The following FBN3 variants were observed in gnomAD, a reference collection of about 807,000 sequenced individuals.
FBN3 encodes the protein fibrillin-3.
Under a neutral mutation model 330.1 loss-of-function variants are expected in FBN3, and 234 were observed. That is an observed-to-expected ratio of 0.71 (90% CI 0.64 to 0.79). FBN3 has a LOEUF of 0.79. Ranked by LOEUF, FBN3 falls within the 30% of genes least tolerant of loss-of-function variation. The pLI is 0.00. For synonymous variants in FBN3, 1,458 were observed against 1,517.3 expected (o/e 0.96, Z 0.91); for missense variants, 3,606 against 3,886.9 (o/e 0.93, Z 1.92).
chr19:8,108,887 G>GAGAACA (rs2082510366), intron 36 of FBN3, among the ~76,000 whole-genome samples: 1 of 152,128 alleles, frequency 6.6e-6, no homozygotes, highest in Non-Finnish European at 1.5e-5. Flanking sequence ...TTGATTTAAG[G>GAGAACA]GTGAGGGAGA....
chr19:8,086,379 C>T, intron 54 of FBN3, 54 bp from the exon 55 acceptor site: 1 of 1,485,244 alleles, frequency 6.7e-7, no homozygotes. Flanking sequence ...CAGCCAGCCT[C>T]TCCCACAGCC....
At chr19:8,083,703 C>T (rs991830657) in intron 56 of FBN3, among the ~76,000 whole-genome samples, 1 of 152,078 alleles carries the variant, frequency 6.6e-6, no homozygotes, top group East Asian at 1.9e-4. Context: ...CCTAGATGCT[C>T]CTGCAGAAAC....
intron 46 of FBN3, 65 bp from the exon 47 acceptor site, chr19:8,094,630 G>T (rs2082172541): frequency 1.3e-6 from 2 of 1,549,732 alleles, no homozygotes; most frequent in Non-Finnish European, 1.8e-6. Context: ...TTGGGACTGG[G>T]ACCAACACCT....
intron 63 of FBN3, 44 bp from the exon 64 acceptor site, chr19:8,066,304 G>T: frequency 7.1e-7 from 1 of 1,407,636 alleles, no homozygotes; most frequent in East Asian, 2.5e-5. Flanking sequence ...CAGGAGAATC[G>T]GGATGTGGTG....
Position 8,087,200 on chromosome 19 carries a change from A to C in FBN3, c.6631T>G (p.Cys2211Gly). 6.3e-7 allele frequency: 1 copy of C among 1,595,116 alleles called. No individual in the cohort carries two copies. Among genetic ancestry groups the C allele is most frequent in the Non-Finnish European group, 8.5e-7 (1 of 1,172,496 alleles). ...DGAMCRDVDE[C>G]ADGQQDCHAR... ...TGGCAGTCCTGCTGACCATCTGCAC[A>C]CTCGTCCACATCTTCGGATGACCAG... The change falls in exon 54 of 64, where the codon TGT becomes GGT. Residue 2211 changes from cysteine (C) to glycine (G), a missense_variant. By Grantham distance (159) the Cys-to-Gly change is radical. Coordinates refer to ENST00000600128, the MANE Select transcript of FBN3 (RefSeq NM_032447.5).
In FBN3 at chr19:8,091,454, T is replaced by G. The variant is rs745387016; in HGVS notation, c.6031+11A>C. Reference sequence around the variant, plus strand: ...TTCCCACCCTCTTCCCTAAGCCCTGTGTGGACTTACCAAAGCAACGGTGCC... The same window carrying G: ...TTCCCACCCTCTTCCCTAAGCCCTGGGTGGACTTACCAAAGCAACGGTGCC... On this transcript the variant is annotated intron_variant, in intron 48 of 63. Coordinates refer to ENST00000600128, the MANE Select transcript of FBN3 (RefSeq NM_032447.5). 21 of 1,612,126 alleles carry G rather than the reference T, an allele frequency of 1.3e-5. No homozygotes were observed. The highest frequency in any genetic ancestry group is 1.7e-5 in the Admixed American group (1 of 59,948).
At chr19:8,139,612 A>G (rs1278442175) in intron 8 of FBN3, among the ~76,000 whole-genome samples, 1 of 151,778 alleles carries the variant, frequency 6.6e-6, no homozygotes, top group East Asian at 1.9e-4. Context: ...TGTGAATTTC[A>G]GAGAGGGGCC....
Position 8,110,862 on chromosome 19 carries a change from C to G in FBN3, c.4316G>C (p.Gly1439Ala), listed in dbSNP as rs969839328. 1.9e-6 allele frequency: 3 copies of G among 1,614,134 alleles called. No individual in the cohort carries two copies. The African/African-American group carries it at 4.0e-5, about 22-fold the overall frequency. The change falls in exon 34 of 64, where the codon GGG becomes GCG. Residue 1439 changes from glycine to alanine, a missense_variant. By Grantham distance (60) the Gly-to-Ala change is moderately conservative. Coordinates refer to ENST00000600128, the MANE Select transcript of FBN3 (RefSeq NM_032447.5). The part of the protein sequence containing the change: ...ICNGGYELDR[G>A]GGNCTDINEC... ...CCTCACACCTGTGCAGTTGCCACCCCCTCGGTCCAGTTCGTAGCCACCATT... is the reference window on the plus strand; with the variant it reads ...CCTCACACCTGTGCAGTTGCCACCCGCTCGGTCCAGTTCGTAGCCACCATT...
chr19:8,135,936 G>GGGGGGGGGGGGGGGGCGCCCCCCCCCCC, intron 13 of FBN3, 25 bp downstream of exon 13: 2 of 668,774 alleles, frequency 3.0e-6, no homozygotes, highest in Non-Finnish European at 4.8e-6. Flanking sequence ...GGAAGCCCCT[G>GGGGGGGGGGGGGGGGCGCCCCCCCCCCC]CCCACCCGCC....
intron 37 of FBN3, 54 bp from the exon 38 acceptor site, chr19:8,106,287 A>C (rs2082437640): frequency 6.2e-7 from 1 of 1,605,364 alleles, no homozygotes; most frequent in South Asian, 1.1e-5. Context: ...CAGAGGACTT[A>C]AGGGGCACCC....
intron 6 of FBN3, among the ~76,000 whole-genome samples, chr19:8,143,692 A>T (rs1273019602): frequency 1.3e-5 from 2 of 151,552 alleles, no homozygotes; most frequent in South Asian, 2.1e-4. Flanking sequence ...GGCTTTTGCC[A>T]TGTTGGCCAT....
chr19:8,070,295 G>A (rs2081483255), intron 63 of FBN3, among the ~76,000 whole-genome samples: 1 of 152,062 alleles, frequency 6.6e-6, no homozygotes, highest in Admixed American at 6.6e-5. Flanking sequence ...TATCATATTT[G>A]TCATGTGTTA....
At chr19:8,136,365 C>T in intron 11 of FBN3, 23 bp downstream of exon 11, 1 of 1,609,602 alleles carries the variant, frequency 6.2e-7, no homozygotes, top group East Asian at 2.2e-5. Context: ...AACCGCCCCC[C>T]CTTCCACCTG....
rs776837066 is a variant in FBN3 at position 8,131,809 on chromosome 19, G to A, written c.1735C>T (p.Pro579Ser). Residue 579 changes from proline (P) to serine (S), a missense_variant, in exon 15 of 64, where the codon CCC becomes TCC. Coordinates refer to ENST00000600128, the MANE Select transcript of FBN3 (RefSeq NM_032447.5). The surrounding 1 kb of genome is among the most constrained non-coding windows in gnomAD (Gnocchi z 4.5). Reference protein sequence around the residue: ...YCMDIDECQTPGICVNGHCTN... With the variant: ...YCMDIDECQTSGICVNGHCTN... ...CAGTGGCCGTTCACGCAGATGCCGG[G>A]CGTCTGGCACTCGTCAATGTCTGCA... The A allele has an allele frequency of 6.2e-7, 1 of 1,600,384 alleles. No individual in the cohort carries two copies. Among genetic ancestry groups the A allele is most frequent in the African/African-American group, 1.3e-5 (1 of 74,842 alleles).
At chr19:8,135,830 T>C (rs925655305) in intron 13 of FBN3, 131 bp downstream of exon 13, 31 of 1,000,152 alleles carry the variant, frequency 3.1e-5, no homozygotes, top group Non-Finnish European at 4.3e-5. Flanking sequence ...GGCTGCTGGG[T>C]TCAGAGGTGA....
intron 59 of FBN3, among the ~76,000 whole-genome samples, chr19:8,077,860 T>C (rs922864924): frequency 2.0e-5 from 3 of 152,106 alleles, no homozygotes; most frequent in Admixed American, 6.6e-5. Context: ...GCAGATTGCT[T>C]GAGCCCAGGA....
intron 46 of FBN3, 46 bp from the exon 47 acceptor site, chr19:8,094,611 G>A (rs749572695): frequency 6.3e-7 from 1 of 1,588,718 alleles, no homozygotes; most frequent in Non-Finnish European, 8.6e-7. Flanking sequence ...CAGGATGCAG[G>A]GGGCTCACTT....
chr19:8,128,954 G>T, intron 18 of FBN3, 74 bp downstream of exon 18: 2 of 1,524,096 alleles, frequency 1.3e-6, no homozygotes, highest in South Asian at 1.3e-5. Context: ...ATGCCTGTGC[G>T]TGCACACGCC....
At chr19:8,088,725 G>A (rs1390101901) in intron 51 of FBN3, among the ~76,000 whole-genome samples, 1 of 152,214 alleles carries the variant, frequency 6.6e-6, no homozygotes, top group African/African-American at 2.4e-5. Flanking sequence ...AAGCATGAAT[G>A]AATGAGCAAA....
Sources: allele counts gnomAD v4.1 joint callset (sites outside exome capture counted in the v4.1 genomes callset), GRCh38; gene constraint gnomAD v4.1.1; non-coding constraint Gnocchi (gnomAD v3.1); transcripts MANE v1.5; gene names NCBI Gene and HGNC (gene_info 2026-07-23, HGNC 2026-07-21).